OSBPL11: variants seen among roughly 807,000 people sequenced by gnomAD.
The protein encoded by OSBPL11 is oxysterol-binding protein-related protein 11.
In OSBPL11, 33 loss-of-function variants were observed where a neutral mutation model predicts 84.4. The ratio of observed to expected loss-of-function variants is 0.39; its 90% CI spans 0.30 to 0.52. The LOEUF (loss-of-function observed/expected upper bound fraction) is 0.52. Among genes scored for constraint, OSBPL11 ranks in the 20% least tolerant of loss-of-function variants. The pLI is 0.72. For missense variants in OSBPL11, 736 were observed against 901.1 expected, an observed-to-expected ratio of 0.82 and a Z score of 2.35; for synonymous variants, 276 against 310.2, an observed-to-expected ratio of 0.89 and a Z score of 1.16.
chr3:125,590,622 C>T (rs1936581216), intron 1 of OSBPL11, among the ~76,000 whole-genome samples: 1 of 152,088 alleles, frequency 6.6e-6, no homozygotes, highest in South Asian at 2.1e-4. Context: ...GATGCCCTTC[C>T]TTTTCCTGAT....
rs1936177718 is a variant in OSBPL11 at position 125,567,520 on chromosome 3, T to C, written c.742A>G (p.Ser248Gly). 6.2e-7 allele frequency: 1 copy of C among 1,614,094 alleles called. No homozygotes were observed. The highest frequency in any genetic ancestry group is 1.3e-5 in the African/African-American group (1 of 75,074). ...IECLPTSGHL[S>G]SLDQDLLMLK... ...ATTAAGAGATCCTGGTCCAAGGAACTAAGATGGCCAGAAGTAGGAAGGCAT... is the reference window on the plus strand; with the variant it reads ...ATTAAGAGATCCTGGTCCAAGGAACCAAGATGGCCAGAAGTAGGAAGGCAT... Residue 248 changes from serine (S) to glycine (G), a missense_variant, in exon 6 of 13, where the codon AGT (serine) becomes GGT (glycine). Around this residue, in one of 3 missense-constraint regions of OSBPL11, gnomAD observed 579 missense variants for 717.6 expected, o/e 0.81. Coordinates refer to ENST00000296220, the MANE Select transcript of OSBPL11 (RefSeq NM_022776.5).
chr3:125,539,785 T>A (rs1303039289), intron 10 of OSBPL11, among the ~76,000 whole-genome samples: 1 of 152,156 alleles, frequency 6.6e-6, no homozygotes, highest in Non-Finnish European at 1.5e-5. Flanking sequence ...ATGTTCACTC[T>A]AGGACACAGA....
At position 125,538,363 on chromosome 3, in the gene OSBPL11, C is replaced by A. The variant is rs943457242; in HGVS notation, c.2024+88G>T. On this transcript the variant is annotated intron_variant, in intron 11 of 12. Coordinates refer to ENST00000296220, the MANE Select transcript of OSBPL11 (RefSeq NM_022776.5). ...AAAGCTGATGCAACCTGTGAAGTGA[C>A]TTGGCCAAGGTCACCAGTTAGTGAA... The A allele has an allele frequency of 3.1e-6, 4 of 1,284,568 alleles. No homozygotes were observed. The African/African-American group carries it at 4.5e-5, about 14-fold the overall frequency. 79.6% of individuals were successfully genotyped at this position (1,284,568 alleles called of 1,614,324 possible).
At position 125,576,355 on chromosome 3, in the gene OSBPL11, G is replaced by A; in HGVS notation, c.500C>T (p.Pro167Leu). 6.3e-7 allele frequency: 1 copy of A among 1,579,142 alleles called. No homozygotes were observed. The highest frequency in any genetic ancestry group is 1.2e-5 in the South Asian group (1 of 84,352). The change falls in exon 5 of 13, where the codon CCT (proline) becomes CTT (leucine). Residue 167 changes from proline (P) to leucine (L), a missense_variant. Coordinates refer to ENST00000296220, the MANE Select transcript of OSBPL11 (RefSeq NM_022776.5). ...HTEAIGKNNP[P>L]LKSRSFSLAS... ...AAGTGAGAAGCTCCGTGACTTCAGA[G>A]GAGGATTATTCTGTTAGACAAAGAA...
intron 1 of OSBPL11, among the ~76,000 whole-genome samples, chr3:125,590,611 T>G (rs1360102456): frequency 1.3e-5 from 2 of 152,210 alleles, no homozygotes; most frequent in Admixed American, 6.5e-5. Flanking sequence ...TAAATGCCAC[T>G]GATGCCCTTC....
intron 1 of OSBPL11, among the ~76,000 whole-genome samples, chr3:125,591,407 G>A (rs1936593286): frequency 6.6e-6 from 1 of 152,184 alleles, no homozygotes; most frequent in Non-Finnish European, 1.5e-5. Flanking sequence ...TCTCCAGGTA[G>A]CACTCTCTAG....
intron 9 of OSBPL11, among the ~76,000 whole-genome samples, chr3:125,549,574 T>C (rs1333186213): frequency 1.3e-5 from 2 of 152,148 alleles, no homozygotes; most frequent in East Asian, 3.8e-4. Flanking sequence ...CTCAATTTCC[T>C]GAGCTCAAGT....
At chr3:125,583,975 A>G (rs1390889469) in intron 1 of OSBPL11, among the ~76,000 whole-genome samples, 1 of 152,128 alleles carries the variant, frequency 6.6e-6, no homozygotes, top group Admixed American at 6.6e-5. Flanking sequence ...CTTTGAGGCC[A>G]TAGAAAACCC....
rs767074841 is a variant in OSBPL11, at chr3:125,567,608, C to T, written c.667-13G>A. On this transcript the variant is annotated splice_polypyrimidine_tract_variant and intron_variant, in intron 5 of 12. Transcript: ENST00000296220. ...CATGAGACATCATCTAAGGAAAAAACAGTTCTGTGGGTCCTACTCATGATT... is the reference window on the plus strand; with the variant it reads ...CATGAGACATCATCTAAGGAAAAAATAGTTCTGTGGGTCCTACTCATGATT... 1.2e-6 allele frequency: 2 copies of T among 1,605,148 alleles called. No homozygotes were observed. The highest frequency in any genetic ancestry group is 2.7e-5 in the African/African-American group (2 of 74,718).
chr3:125,554,615 G>C (rs1037737542), intron 8 of OSBPL11, among the ~76,000 whole-genome samples: 3 of 151,666 alleles, frequency 2.0e-5, no homozygotes, highest in Non-Finnish European at 4.4e-5. Flanking sequence ...AGATTTGGAG[G>C]AAACAGAAAC....
intron 1 of OSBPL11, among the ~76,000 whole-genome samples, chr3:125,584,354 A>G (rs957072803): frequency 6.6e-6 from 1 of 152,208 alleles, no homozygotes; most frequent in Non-Finnish European, 1.5e-5. Context: ...TGGCAGAGTG[A>G]GACTCCATCA....
chr3:125,535,476 C>T (rs1201014457), intron 11 of OSBPL11, among the ~76,000 whole-genome samples: 3 of 117,562 alleles, frequency 2.6e-5, no homozygotes. Flanking sequence ...GACAGTCTGG[C>T]TCTGTCACCC....
At chr3:125,536,800 T>C (rs1323695183) in intron 11 of OSBPL11, among the ~76,000 whole-genome samples, 1 of 152,190 alleles carries the variant, frequency 6.6e-6, no homozygotes, top group East Asian at 1.9e-4. Context: ...ATAACTACTA[T>C]ATTTCTTCGG....
intron 8 of OSBPL11, among the ~76,000 whole-genome samples, chr3:125,558,731 T>C (rs1348990270): frequency 6.6e-6 from 1 of 152,248 alleles, no homozygotes; most frequent in Non-Finnish European, 1.5e-5. Flanking sequence ...GATTAATTGT[T>C]AAGACAAATT....
At chr3:125,546,650 G>C (rs2107592461) in intron 10 of OSBPL11, among the ~76,000 whole-genome samples, 1 of 152,182 alleles carries the variant, frequency 6.6e-6, no homozygotes, top group African/African-American at 2.4e-5. Context: ...CAGCACTTTG[G>C]GAGGTTGAGG....
At chr3:125,551,614 T>C (rs1297061218) in intron 9 of OSBPL11, among the ~76,000 whole-genome samples, 1 of 151,740 alleles carries the variant, frequency 6.6e-6, no homozygotes, top group Non-Finnish European at 1.5e-5. Flanking sequence ...CTACTAACAA[T>C]ATAAAAATTA....
chr3:125,551,042 T>C (rs1010376762), intron 9 of OSBPL11, among the ~76,000 whole-genome samples: 2 of 151,846 alleles, frequency 1.3e-5, no homozygotes, highest in African/African-American at 4.8e-5. Flanking sequence ...TGCATGCCTG[T>C]AGTCCTAGCT....
At chr3:125,578,912 ATTCC>A (rs1401631370) in intron 4 of OSBPL11, 44 bp downstream of exon 4, 7 of 1,146,202 alleles carry the variant, frequency 6.1e-6, no homozygotes, top group Non-Finnish European at 8.6e-6. Flanking sequence ...AATAAAAAAT[ATTCC>A]TTCCTCATTT....
At chr3:125,590,405 C>T (rs1354481361) in intron 1 of OSBPL11, among the ~76,000 whole-genome samples, 1 of 152,016 alleles carries the variant, frequency 6.6e-6, no homozygotes, top group African/African-American at 2.4e-5. Flanking sequence ...CAAAAATCAG[C>T]CGGGTGTGGT....
Sources: allele counts gnomAD v4.1 joint callset (sites outside exome capture counted in the v4.1 genomes callset), GRCh38; gene constraint gnomAD v4.1.1; regional missense constraint gnomAD v4.1.1; transcripts MANE v1.5; gene names NCBI Gene and HGNC (gene_info 2026-07-23, HGNC 2026-07-21).